Variants in DDX31 observed in about 807,000 individuals in gnomAD.
DDX31 encodes ATP-dependent DNA helicase DDX31.
A neutral mutation model predicts 91.3 loss-of-function variants in DDX31; 70 were observed. The observed-to-expected ratio is 0.77, with a 90% CI of 0.63 to 0.94. The LOEUF (loss-of-function observed/expected upper bound fraction) is 0.94. Among genes scored for constraint, DDX31 ranks in the 40% least tolerant of loss-of-function variants. DDX31 has a pLI of 0.00. For missense variants in DDX31, 902 were observed against 925.0 expected, an observed-to-expected ratio of 0.98 and a Z score of 0.32; for synonymous variants, 362 against 350.6, an observed-to-expected ratio of 1.03 and a Z score of -0.36.
At chr9:132,669,422 T>A (rs1327023081) in intron 1 of DDX31, 1 of 431,212 alleles carries the variant, frequency 2.3e-6, no homozygotes, top group African/African-American at 2.1e-5. Flanking sequence ...TGATGAGAAT[T>A]TATGGTTTGT....
At chr9:132,650,041 G>A (rs1834082207) in intron 9 of DDX31, among the ~76,000 whole-genome samples, 193 bp downstream of exon 9, 1 of 152,130 alleles carries the variant, frequency 6.6e-6, no homozygotes, top group Non-Finnish European at 1.5e-5. Context: ...CCTGTTTGTA[G>A]GTTTAATATT....
intron 19 of DDX31, among the ~76,000 whole-genome samples, chr9:132,596,912 G>A (rs1370170579): frequency 2.6e-5 from 4 of 152,154 alleles, no homozygotes; most frequent in African/African-American, 2.4e-5. Context: ...GTTGGAACTT[G>A]ACTATCACTC....
chr9:132,661,087 C>CGAT, intron 4 of DDX31, 121 bp downstream of exon 4: 1 of 827,716 alleles, frequency 1.2e-6, no homozygotes. Flanking sequence ...CCTTTATGGT[C>CGAT]GATAACCTGG....
intron 18 of DDX31, among the ~76,000 whole-genome samples, chr9:132,617,130 C>A (rs909138637): frequency 6.6e-6 from 1 of 152,138 alleles, no homozygotes; most frequent in African/African-American, 2.4e-5. Context: ...TGGCCAGCAC[C>A]CCCTTTCCAC....
Position 132,594,713 on chromosome 9 carries a change from TGGA to T in DDX31, c.*150_*152del, listed in dbSNP as rs778446111. On this transcript the variant is annotated 3_prime_UTR_variant, in exon 20 of 20. Transcript: ENST00000372159. Reference sequence around the variant, plus strand: ...TTCTATCAGGCTCCAGGGCCTCCCATGGAGGAGAAGGGCTGTGGCCCCTCTGAT... The same window carrying T: ...TTCTATCAGGCTCCAGGGCCTCCCATGGAGAAGGGCTGTGGCCCCTCTGAT... The T allele has an allele frequency of 7.2e-4, 917 of 1,269,620 alleles. No individual in the cohort carries two copies. Among genetic ancestry groups the T allele is most frequent in the Non-Finnish European group, 9.4e-4 (867 of 920,218 alleles). The allele number at this position is 1,269,620 out of a possible 1,614,324, so 78.6% of individuals were successfully genotyped here. A position where few individuals can be genotyped will look rare whatever the true frequency, so the allele number is the denominator to read the frequency against.
chr9:132,623,038 G>A (rs1832140013), intron 17 of DDX31, among the ~76,000 whole-genome samples: 1 of 151,234 alleles, frequency 6.6e-6, no homozygotes, highest in Non-Finnish European at 1.5e-5. Flanking sequence ...GCTGAGGCAG[G>A]AGAATCGGTG....
chr9:132,637,429 G>C (rs1833188055), intron 14 of DDX31, among the ~76,000 whole-genome samples: 1 of 152,272 alleles, frequency 6.6e-6, no homozygotes, highest in Non-Finnish European at 1.5e-5. Flanking sequence ...TAGGAGTACA[G>C]ATGGAAGGCA....
At chr9:132,653,512 A>AAAAAAAAAAAAAAAAAAAAAAAAAAAAAT (rs1834350168) in intron 6 of DDX31, among the ~76,000 whole-genome samples, 1 of 130,052 alleles carries the variant, frequency 7.7e-6, no homozygotes, top group Admixed American at 7.1e-5. Flanking sequence ...AAAAAAAAAA[A>AAAAAAAAAAAAAAAAAAAAAAAAAAAAAT]AAAAAAAAAA....
At chr9:132,639,964 T>C (rs1174157245) in intron 14 of DDX31, among the ~76,000 whole-genome samples, 1 of 152,216 alleles carries the variant, frequency 6.6e-6, no homozygotes, top group African/African-American at 2.4e-5. Flanking sequence ...TCTCTGTCTT[T>C]AGAAAAACAC....
intron 13 of DDX31, among the ~76,000 whole-genome samples, chr9:132,643,719 C>T (rs995922464): frequency 3.9e-5 from 6 of 152,176 alleles, no homozygotes; most frequent in African/African-American, 9.7e-5. Context: ...GAATGATATC[C>T]GAACCCAGGG....
intron 9 of DDX31, among the ~76,000 whole-genome samples, chr9:132,649,715 T>C (rs1355760984): frequency 6.6e-6 from 1 of 152,236 alleles, no homozygotes; most frequent in African/African-American, 2.4e-5. Flanking sequence ...ATTATTAAGC[T>C]ATAATACAAT....
intron 4 of DDX31, chr9:132,660,959 C>G (rs532165108): frequency 2.0e-6 from 1 of 490,504 alleles, no homozygotes; most frequent in African/African-American, 2.0e-5. Context: ...GGCGCTCATG[C>G]AGCCCACCTT....
At chr9:132,644,251 AC>A (rs923106463) in intron 13 of DDX31, among the ~76,000 whole-genome samples, 140 of 152,360 alleles carry the variant, frequency 9.2e-4, no homozygotes, top group African/African-American at 3.2e-3. Context: ...CTATAAAAAA[AC>A]AACTTTTAAA....
chr9:132,597,851 C>T (rs1420416296), intron 19 of DDX31, among the ~76,000 whole-genome samples: 1 of 152,212 alleles, frequency 6.6e-6, no homozygotes, highest in African/African-American at 2.4e-5. Flanking sequence ...AAGGCAACCA[C>T]TGGTGCGTAC....
chr9:132,614,442 G>A (rs1564287197), intron 18 of DDX31, among the ~76,000 whole-genome samples: 1 of 151,470 alleles, frequency 6.6e-6, no homozygotes, highest in Admixed American at 6.6e-5. Context: ...CGCGACCCAG[G>A]AGATTCAAGC....
intron 19 of DDX31, among the ~76,000 whole-genome samples, chr9:132,609,340 G>A (rs548912377): frequency 3.9e-4 from 59 of 152,272 alleles, no homozygotes; most frequent in African/African-American, 1.3e-3. Flanking sequence ...CAGGGGTATC[G>A]TGGTCTTGGT....
intron 14 of DDX31, chr9:132,638,095 G>T: frequency 7.7e-7 from 1 of 1,295,720 alleles, no homozygotes; most frequent in Non-Finnish European, 9.8e-7. Context: ...TGCACGCGCC[G>T]GACAGCCAAG....
intron 1 of DDX31, 72 bp downstream of exon 1, chr9:132,669,788 C>G: frequency 6.6e-7 from 1 of 1,519,910 alleles, no homozygotes; most frequent in Non-Finnish European, 8.8e-7. Context: ...CTCCAAGGCA[C>G]GGCTGCAGCT....
intron 11 of DDX31, among the ~76,000 whole-genome samples, 151 bp downstream of exon 11, chr9:132,648,036 TAG>T (rs1564324223): frequency 2.6e-5 from 4 of 152,054 alleles, no homozygotes; most frequent in Admixed American, 2.6e-4. Context: ...GTGTAGAACA[TAG>T]AGTTTGAAAA....
Sources: gnomAD v4.1 joint callset for allele counts (sites outside exome capture counted in the v4.1 genomes callset) on GRCh38, gnomAD v4.1.1 for gene constraint, MANE v1.5 for transcripts, NCBI Gene and HGNC (gene_info 2026-07-23, HGNC 2026-07-21) for gene names.